RANBP2: variants seen among roughly 807,000 people sequenced by gnomAD.
RANBP2 encodes the protein RAN binding protein 2, also known as E3 SUMO-protein ligase RanBP2.
RANBP2 carries 57 observed loss-of-function variants against 303.6 expected under a neutral mutation model. The ratio of observed to expected loss-of-function variants is 0.19; its 90% CI spans 0.15 to 0.23. The LOEUF (loss-of-function observed/expected upper bound fraction) is 0.23, where lower values mean the gene tolerates loss of function less well. Among genes scored for constraint, RANBP2 ranks in the 10% least tolerant of loss-of-function variants. The pLI, the probability that RANBP2 is intolerant of heterozygous loss-of-function variation, is 1.00. For synonymous variants in RANBP2, 1,167 were observed against 1,301.5 expected, an observed-to-expected ratio of 0.90 and a Z score of 2.23; for missense variants, 3,138 against 3,780.8, an observed-to-expected ratio of 0.83 and a Z score of 4.46.
chr2:109,400,468 CAT>C, the RANBP2 span, among the ~76,000 whole-genome samples: 38 of 152,230 alleles, frequency 2.5e-4, no homozygotes, highest in Non-Finnish European at 4.3e-4. Context: ...CACACATACA[CAT>C]GTGCACACAC....
At chr2:109,699,326 C>G in the RANBP2 span, among the ~76,000 whole-genome samples, 1 of 152,164 alleles carries the variant, frequency 6.6e-6, no homozygotes, top group East Asian at 1.9e-4. Flanking sequence ...ACAGTTGACT[C>G]GTGAACAATG....
At chr2:109,607,422 T>TG in the RANBP2 span, among the ~76,000 whole-genome samples, 1 of 152,208 alleles carries the variant, frequency 6.6e-6, no homozygotes, top group East Asian at 1.9e-4. Context: ...GCATTCTCAA[T>TG]GGGGGCAGTA....
the RANBP2 span, among the ~76,000 whole-genome samples, chr2:109,039,993 C>G: frequency 6.6e-6 from 1 of 152,102 alleles, no homozygotes; most frequent in African/African-American, 2.4e-5. Flanking sequence ...ATTTGTCAGT[C>G]TTTCCTTAAG....
the RANBP2 span, among the ~76,000 whole-genome samples, chr2:108,814,496 G>A: frequency 6.6e-6 from 1 of 152,078 alleles, no homozygotes; most frequent in South Asian, 2.1e-4. Context: ...AATTGAGAAA[G>A]TGAAAAATTG....
At chr2:108,878,024 T>G in the RANBP2 span, among the ~76,000 whole-genome samples, 1 of 152,210 alleles carries the variant, frequency 6.6e-6, no homozygotes, top group African/African-American at 2.4e-5. Flanking sequence ...AATGACAGCT[T>G]CAGACATTCA....
the RANBP2 span, among the ~76,000 whole-genome samples, chr2:109,137,787 C>T: frequency 4.9e-4 from 74 of 152,190 alleles, no homozygotes; most frequent in African/African-American, 1.7e-3. Flanking sequence ...AAAGACTAAT[C>T]GGTTAATCCT....
chr2:109,398,908 G>A, the RANBP2 span: 2 of 1,613,424 alleles, frequency 1.2e-6, no homozygotes, highest in Non-Finnish European at 1.7e-6. Flanking sequence ...CAGGATTGGA[G>A]ACCTTGCTCA....
At chr2:109,185,702 G>A in the RANBP2 span, among the ~76,000 whole-genome samples, 1 of 152,194 alleles carries the variant, frequency 6.6e-6, no homozygotes, top group Non-Finnish European at 1.5e-5. Flanking sequence ...TGGAAAAGAC[G>A]ATTTCTGGAA....
At chr2:109,126,967 C>T in the RANBP2 span, among the ~76,000 whole-genome samples, 1 of 152,166 alleles carries the variant, frequency 6.6e-6, no homozygotes, top group Non-Finnish European at 1.5e-5. Flanking sequence ...CTAAAAAATT[C>T]CCCTTGTTCC....
chr2:109,402,353 G>A, the RANBP2 span, among the ~76,000 whole-genome samples: 3 of 152,276 alleles, frequency 2.0e-5, no homozygotes, highest in South Asian at 6.2e-4. Flanking sequence ...CAGCCCAGGA[G>A]AGGGAGCCCA....
At chr2:109,404,144 C>T in the RANBP2 span, among the ~76,000 whole-genome samples, 3 of 151,914 alleles carry the variant, frequency 2.0e-5, no homozygotes, top group South Asian at 6.2e-4. Flanking sequence ...TGGGTGTGGC[C>T]GAGACCACTG....
At chr2:109,438,024 C>G in the RANBP2 span, among the ~76,000 whole-genome samples, 1 of 152,180 alleles carries the variant, frequency 6.6e-6, no homozygotes, top group Non-Finnish European at 1.5e-5. Flanking sequence ...CAAAGTGAGG[C>G]TTAAAGGGCA....
the RANBP2 span, chr2:109,617,042 A>C: frequency 1.2e-5 from 2 of 167,020 alleles, no homozygotes; most frequent in African/African-American, 4.8e-5. Flanking sequence ...AATTAGCACA[A>C]ATTGGCCTAA....
chr2:109,660,485 T>C, the RANBP2 span, among the ~76,000 whole-genome samples: 2 of 152,224 alleles, frequency 1.3e-5, no homozygotes, highest in African/African-American at 4.8e-5. Flanking sequence ...TTTTGTCCAA[T>C]TTGCTCAAAA....
At chr2:109,102,678 G>A in the RANBP2 span, among the ~76,000 whole-genome samples, 1 of 152,090 alleles carries the variant, frequency 6.6e-6, no homozygotes, top group East Asian at 1.9e-4. Flanking sequence ...AACGCATCTG[G>A]CAGAGCCTTG....
the RANBP2 span, among the ~76,000 whole-genome samples, chr2:109,143,838 A>G: frequency 1.3e-5 from 2 of 151,940 alleles, no homozygotes; most frequent in Non-Finnish European, 1.5e-5. Context: ...ACACACGTAT[A>G]TACACAAACA....
chr2:108,752,960 GTTCCT>G (rs1676020637), intron 12 of RANBP2, 33 bp from the exon 13 acceptor site: 1 of 1,604,294 alleles, frequency 6.2e-7, no homozygotes. Context: ...AATCATGCGT[GTTCCT>G]TAAAGTTGTG....
At chr2:108,730,659 G>C in intron 2 of RANBP2, 115 bp from the exon 3 acceptor site, 2 of 1,374,998 alleles carry the variant, frequency 1.5e-6, no homozygotes, top group Non-Finnish European at 2.0e-6. Context: ...CGGTAGTTTT[G>C]AGTAACAATA....
chr2:109,043,381 C>G, the RANBP2 span, among the ~76,000 whole-genome samples: 4 of 151,606 alleles, frequency 2.6e-5, no homozygotes, highest in Non-Finnish European at 5.9e-5. Context: ...CTTCTTCTGT[C>G]CCCCAGGCTG....
Sources: allele counts gnomAD v4.1 joint callset (sites outside exome capture counted in the v4.1 genomes callset), GRCh38; gene constraint gnomAD v4.1.1; transcripts MANE v1.5; gene names NCBI Gene and HGNC (gene_info 2026-07-23, HGNC 2026-07-21).